Variants in FAM81A observed in about 807,000 individuals in gnomAD.
FAM81A encodes the protein protein FAM81A.
In FAM81A, 19 loss-of-function variants were observed where a neutral mutation model predicts 46.7. That is an observed-to-expected ratio of 0.41 (90% CI 0.28 to 0.60). FAM81A has a LOEUF of 0.60. Ranked by LOEUF, FAM81A falls within the 20% of genes least tolerant of loss-of-function variation. FAM81A has a pLI of 0.34. For synonymous variants in FAM81A, 183 were observed against 152.9 expected (o/e 1.20, Z -1.45); for missense variants, 377 against 453.5 (o/e 0.83, Z 1.53).
chr15:59,416,258 C>A (rs1474381896), intron 2 of FAM81A, among the ~76,000 whole-genome samples: 1 of 152,196 alleles, frequency 6.6e-6, no homozygotes, highest in African/African-American at 2.4e-5. Context: ...GTGGTGGTCA[C>A]CGCTGTGTGC....
chr15:59,425,810 G>A (rs2081192257), intron 2 of FAM81A, among the ~76,000 whole-genome samples: 1 of 152,114 alleles, frequency 6.6e-6, no homozygotes, highest in African/African-American at 2.4e-5. Flanking sequence ...ATTTTGTAGA[G>A]ATGGGGGTCT....
At chr15:59,493,420 T>C (rs1268268510) in intron 4 of FAM81A, among the ~76,000 whole-genome samples, 1 of 152,172 alleles carries the variant, frequency 6.6e-6, no homozygotes, top group Admixed American at 6.5e-5. Context: ...CTCCTTAGTG[T>C]GATCCTTGGT....
At chr15:59,470,749 C>G (rs2081676420) in intron 3 of FAM81A, among the ~76,000 whole-genome samples, 1 of 152,114 alleles carries the variant, frequency 6.6e-6, no homozygotes, top group Admixed American at 6.6e-5. Flanking sequence ...GTTGAAATCA[C>G]CCGTCTTCTG....
chr15:59,412,672 A>G (rs893469772), intron 2 of FAM81A, among the ~76,000 whole-genome samples: 4 of 151,348 alleles, frequency 2.6e-5, no homozygotes, highest in Admixed American at 1.3e-4. Flanking sequence ...GGCTGCAGTG[A>G]GCTGTGATCG....
intron 1 of FAM81A, among the ~76,000 whole-genome samples, chr15:59,452,593 G>C (rs993524261): frequency 6.6e-6 from 1 of 152,178 alleles, no homozygotes; most frequent in South Asian, 2.1e-4. Context: ...GCTGCAGTGA[G>C]CTATGACCAA....
At chr15:59,518,644 T>C (rs1024143391) in intron 8 of FAM81A, among the ~76,000 whole-genome samples, 1 of 152,172 alleles carries the variant, frequency 6.6e-6, no homozygotes, top group African/African-American at 2.4e-5. Flanking sequence ...TATTTCAGTG[T>C]ATATATCCTA....
intron 2 of FAM81A, among the ~76,000 whole-genome samples, chr15:59,410,592 G>A (rs1013955731): frequency 8.5e-5 from 13 of 152,148 alleles, no homozygotes; most frequent in African/African-American, 3.1e-4. Context: ...GGTCCTTCCT[G>A]GTGACCCAGA....
At chr15:59,520,849 C>T (rs1252842508) in intron 8 of FAM81A, among the ~76,000 whole-genome samples, 2 of 152,176 alleles carry the variant, frequency 1.3e-5, no homozygotes, top group African/African-American at 4.8e-5. Flanking sequence ...CTGGCATGAG[C>T]CACCGTACCA....
At position 59,460,411 on chromosome 15, in the gene FAM81A, C is replaced by T; in HGVS notation, c.294+205C>T. On this transcript the variant is annotated intron_variant, in intron 3 of 8. Transcript: ENST00000288228. This position sits in a 1 kb window ranked among gnomAD's most constrained non-coding sequence, Gnocchi z 4.4. The stretch of plus-strand genomic sequence containing the variant: ...TTATTCCAGTGTTTGATAACAGTTA[C>T]TGTTAGTGTTATGTTTAATCTAAAT... 1.4e-6 allele frequency: 1 copy of T among 715,154 alleles called. No homozygotes were observed. The highest frequency in any genetic ancestry group is 1.5e-5 in the South Asian group (1 of 65,362). The allele number at this position is 715,154 out of a possible 1,614,324, so 44.3% of individuals were successfully genotyped here. A position where few individuals can be genotyped will look rare whatever the true frequency, so the allele number is the denominator to read the frequency against.
chr15:59,498,016 C>T (rs1321196346), intron 4 of FAM81A, among the ~76,000 whole-genome samples: 1 of 152,204 alleles, frequency 6.6e-6, no homozygotes, highest in Non-Finnish European at 1.5e-5. Flanking sequence ...GCCACCACAT[C>T]TGACTAATTT....
intron 2 of FAM81A, among the ~76,000 whole-genome samples, chr15:59,407,444 G>A (rs1328403777): frequency 2.0e-5 from 3 of 151,872 alleles, no homozygotes; most frequent in Non-Finnish European, 2.9e-5. Context: ...ACAGGCACCC[G>A]CCACCACGCC....
At chr15:59,418,620 T>C (rs1483953950) in intron 2 of FAM81A, among the ~76,000 whole-genome samples, 1 of 152,222 alleles carries the variant, frequency 6.6e-6, no homozygotes. Flanking sequence ...GTTGTTCATG[T>C]TACCCAGGCA....
intron 4 of FAM81A, among the ~76,000 whole-genome samples, chr15:59,500,729 C>T (rs893848141): frequency 9.9e-5 from 15 of 151,522 alleles, no homozygotes; most frequent in African/African-American, 3.6e-4. Context: ...ACTGCATAAT[C>T]TCTAGCCACC....
At chr15:59,426,983 G>C (rs1192505891) in intron 2 of FAM81A, among the ~76,000 whole-genome samples, 1 of 152,188 alleles carries the variant, frequency 6.6e-6, no homozygotes, top group African/African-American at 2.4e-5. Context: ...TCATCTATAA[G>C]CTTTCTGACA....
chr15:59,506,328 G>A (rs756428568), intron 4 of FAM81A, among the ~76,000 whole-genome samples: 1 of 152,120 alleles, frequency 6.6e-6, no homozygotes, highest in South Asian at 2.1e-4. Context: ...GATTGAAGGA[G>A]AGTTGGTGCA....
chr15:59,447,360 C>T (rs894257798), intron 1 of FAM81A, among the ~76,000 whole-genome samples: 3 of 152,316 alleles, frequency 2.0e-5, no homozygotes, highest in Admixed American at 1.3e-4. Context: ...CAGCTTTCCC[C>T]AGATCGGCCT....
chr15:59,428,780 G>T (rs1345863210), intron 2 of FAM81A, among the ~76,000 whole-genome samples: 1 of 151,938 alleles, frequency 6.6e-6, no homozygotes, highest in Non-Finnish European at 1.5e-5. Flanking sequence ...AGAGGCGCAG[G>T]CCACCATGCC....
At chr15:59,412,924 G>A (rs2081128605) in intron 2 of FAM81A, among the ~76,000 whole-genome samples, 1 of 152,122 alleles carries the variant, frequency 6.6e-6, no homozygotes, top group African/African-American at 2.4e-5. Flanking sequence ...TCCTTTTCAG[G>A]GGGAAAGAAA....
At chr15:59,405,286 G>A (rs2081089206) in intron 2 of FAM81A, among the ~76,000 whole-genome samples, 1 of 152,168 alleles carries the variant, frequency 6.6e-6, no homozygotes, top group Admixed American at 6.5e-5. Flanking sequence ...GAACAGGCCT[G>A]CCAAGAACAG....
Sources: gnomAD v4.1 joint callset for allele counts (sites outside exome capture counted in the v4.1 genomes callset) on GRCh38, gnomAD v4.1.1 for gene constraint, Gnocchi (gnomAD v3.1) non-coding constraint, MANE v1.5 for transcripts, NCBI Gene and HGNC (gene_info 2026-07-23, HGNC 2026-07-21) for gene names.